The following ZDHHC3 variants were observed in gnomAD, a reference collection of about 807,000 sequenced individuals.
ZDHHC3 encodes the protein zDHHC palmitoyltransferase 3.
A neutral mutation model predicts 30.6 loss-of-function variants in ZDHHC3; 9 were observed. The observed-to-expected ratio is 0.29, with a 90% CI of 0.18 to 0.51. The LOEUF is 0.51. Among genes scored for constraint, ZDHHC3 ranks in the 20% least tolerant of loss-of-function variants. ZDHHC3 has a pLI of 0.97. For missense variants in ZDHHC3, 246 were observed against 384.2 expected (o/e 0.64, Z 3.01); for synonymous variants, 136 against 140.2 (o/e 0.97, Z 0.21).
chr3:44,936,753 C>T (rs1186204579), intron 3 of ZDHHC3, among the ~76,000 whole-genome samples: 3 of 152,156 alleles, frequency 2.0e-5, no homozygotes, highest in Non-Finnish European at 4.4e-5. Flanking sequence ...AGAAAGATAA[C>T]TATTGGGTAC....
chr3:44,946,911 C>G (rs1192245413), intron 2 of ZDHHC3, among the ~76,000 whole-genome samples: 1 of 152,214 alleles, frequency 6.6e-6, no homozygotes, highest in East Asian at 1.9e-4. Context: ...TTAGGTAACA[C>G]TGGTGCTTCA....
At position 44,921,592 on chromosome 3, in the gene ZDHHC3, C is replaced by T. The variant is rs1700597821; in HGVS notation, c.*5097G>A. ...GTGACCAATGGTTTGAAAAGCACAGCTCCAACACAGCTAACATTTATAAAG... is the reference window on the plus strand; with the variant it reads ...GTGACCAATGGTTTGAAAAGCACAGTTCCAACACAGCTAACATTTATAAAG... On this transcript the variant is annotated 3_prime_UTR_variant, in exon 7 of 7. Transcript: ENST00000424952. The T allele has an allele frequency of 1.0e-6, 1 of 985,326 alleles. No homozygotes were observed. Among genetic ancestry groups the T allele is most frequent in the Non-Finnish European group, 1.2e-6 (1 of 829,942 alleles). 61.0% of individuals were successfully genotyped at this position (985,326 alleles called of 1,614,324 possible). A position where few individuals can be genotyped will look rare whatever the true frequency, so the allele number is the denominator to read the frequency against.
At chr3:44,938,361 C>A in intron 3 of ZDHHC3, 1 of 201,286 alleles carries the variant, frequency 5.0e-6, no homozygotes, top group South Asian at 9.2e-5. Context: ...AGACAACTCT[C>A]TGGAACCATT....
At chr3:44,956,948 C>T (rs565491532) in intron 2 of ZDHHC3, among the ~76,000 whole-genome samples, 42 of 152,304 alleles carry the variant, frequency 2.8e-4, no homozygotes, top group African/African-American at 8.9e-4. Flanking sequence ...ACCACTCTTA[C>T]CCCCACCTAC....
At chr3:44,974,075 G>C (rs532302820) in intron 1 of ZDHHC3, among the ~76,000 whole-genome samples, 19 of 152,332 alleles carry the variant, frequency 1.2e-4, no homozygotes, top group Non-Finnish European at 2.4e-4. Context: ...TGATAAAAAT[G>C]TTCTGGCAGC....
chr3:44,965,522 C>A (rs1704867607), intron 1 of ZDHHC3, among the ~76,000 whole-genome samples: 1 of 152,108 alleles, frequency 6.6e-6, no homozygotes, highest in Non-Finnish European at 1.5e-5. Flanking sequence ...GATGAACTGG[C>A]CTGGCCAAGT....
intron 2 of ZDHHC3, among the ~76,000 whole-genome samples, chr3:44,947,706 T>C (rs1703072771): frequency 6.6e-6 from 1 of 152,256 alleles, no homozygotes; most frequent in Non-Finnish European, 1.5e-5. Flanking sequence ...CCCTGACTTC[T>C]GCATTTTTTA....
chr3:44,960,669 G>A (rs1269437493), intron 1 of ZDHHC3, among the ~76,000 whole-genome samples: 2 of 152,216 alleles, frequency 1.3e-5, no homozygotes, highest in African/African-American at 4.8e-5. Flanking sequence ...AGATGTAGGT[G>A]CCATGGAAAA....
chr3:44,941,305 C>T (rs925332531), intron 3 of ZDHHC3, among the ~76,000 whole-genome samples: 2 of 152,090 alleles, frequency 1.3e-5, no homozygotes, highest in African/African-American at 2.4e-5. Context: ...AGCTCAGAAA[C>T]GATTTTGGGA....
intron 1 of ZDHHC3, among the ~76,000 whole-genome samples, chr3:44,963,326 G>A (rs546263047): frequency 2.4e-4 from 37 of 152,276 alleles, no homozygotes; most frequent in African/African-American, 8.7e-4. Flanking sequence ...ACCAAGTCCT[G>A]ACCTGAAGGG....
At chr3:44,944,180 A>G (rs913078230) in intron 3 of ZDHHC3, among the ~76,000 whole-genome samples, 10 of 150,282 alleles carry the variant, frequency 6.7e-5, no homozygotes, top group African/African-American at 2.5e-4. Context: ...ATGGAGTTTC[A>G]CTCTTGTTGC....
At chr3:44,927,542 C>T (rs1368824276) in intron 6 of ZDHHC3, among the ~76,000 whole-genome samples, 1 of 152,180 alleles carries the variant, frequency 6.6e-6, no homozygotes, top group Non-Finnish European at 1.5e-5. Flanking sequence ...TAGAGGGTGG[C>T]ATGGCCAGGC....
chr3:44,967,839 T>C (rs1705083950), intron 1 of ZDHHC3, among the ~76,000 whole-genome samples: 1 of 152,242 alleles, frequency 6.6e-6, no homozygotes, highest in African/African-American at 2.4e-5. Flanking sequence ...GACATTTTGT[T>C]GAAAACTTAT....
At position 44,922,292 on chromosome 3, in the gene ZDHHC3, A is replaced by G; in HGVS notation, c.*4397T>C. The G allele has an allele frequency of 1.0e-6, 1 of 985,234 alleles. No individual in the cohort carries two copies. Among genetic ancestry groups the G allele is most frequent in the South Asian group, 4.7e-5 (1 of 21,274 alleles). The allele number at this position is 985,234 out of a possible 1,614,324, so 61.0% of individuals were successfully genotyped here. On this transcript the variant is annotated 3_prime_UTR_variant, in exon 7 of 7. Transcript: ENST00000424952. ...GCTACAATGCCCCTGGCTCTAGACT[A>G]CTCACCGGCCGCCGCTCCCATCTGG...
intron 5 of ZDHHC3, chr3:44,932,810 C>G: frequency 9.0e-7 from 1 of 1,111,438 alleles, no homozygotes; most frequent in South Asian, 1.3e-5. Flanking sequence ...AGCATGGCTC[C>G]CACGCATTGG....
chr3:44,936,390 A>C (rs1194708610), intron 3 of ZDHHC3, among the ~76,000 whole-genome samples: 1 of 152,188 alleles, frequency 6.6e-6, no homozygotes, highest in Non-Finnish European at 1.5e-5. Context: ...ACAAGGGAAC[A>C]CTTACACACT....
At chr3:44,965,491 G>T (rs909181997) in intron 1 of ZDHHC3, among the ~76,000 whole-genome samples, 2 of 152,142 alleles carry the variant, frequency 1.3e-5, no homozygotes, top group Admixed American at 6.6e-5. Context: ...TCCCACTGTG[G>T]CACTTCATCG....
intron 2 of ZDHHC3, chr3:44,958,759 A>C: frequency 8.0e-7 from 1 of 1,254,114 alleles, no homozygotes; most frequent in East Asian, 2.5e-5. Flanking sequence ...CCCAATCCTG[A>C]CCCAACCCTC....
At chr3:44,955,786 C>A (rs1703899816) in intron 2 of ZDHHC3, among the ~76,000 whole-genome samples, 1 of 152,184 alleles carries the variant, frequency 6.6e-6, no homozygotes, top group African/African-American at 2.4e-5. Flanking sequence ...TGCAGCCCCA[C>A]CTCTCTGTTT....
Sources: allele counts gnomAD v4.1 joint callset (sites outside exome capture counted in the v4.1 genomes callset), GRCh38; gene constraint gnomAD v4.1.1; transcripts MANE v1.5; gene names NCBI Gene and HGNC (gene_info 2026-07-23, HGNC 2026-07-21).